The following OTUB2 variants were observed in gnomAD, a reference collection of about 807,000 sequenced individuals.
OTUB2 encodes the protein OTU deubiquitinase, ubiquitin aldehyde binding 2, also known as ubiquitin thioesterase OTUB2.
A neutral mutation model predicts 25.1 loss-of-function variants in OTUB2; 21 were observed. That is an observed-to-expected ratio of 0.84 (90% CI 0.59 to 1.21). OTUB2 has a LOEUF of 1.21. OTUB2 is among the 50% of genes most tolerant of loss of function. The pLI, the probability that OTUB2 is intolerant of heterozygous loss-of-function variation, is 0.00. For synonymous variants in OTUB2, 122 were observed against 122.8 expected, an observed-to-expected ratio of 0.99 and a Z score of 0.04; for missense variants, 283 against 298.0, an observed-to-expected ratio of 0.95 and a Z score of 0.37.
chr14:94,041,753 A>G (rs950608209), intron 3 of OTUB2, among the ~76,000 whole-genome samples: 1 of 152,318 alleles, frequency 6.6e-6, no homozygotes, highest in East Asian at 1.9e-4. Flanking sequence ...TGCAGGCATG[A>G]CATGCCGCCT....
intron 3 of OTUB2, among the ~76,000 whole-genome samples, chr14:94,042,750 G>A (rs140809403): frequency 2.3e-4 from 35 of 152,294 alleles, no homozygotes; most frequent in African/African-American, 8.2e-4. Flanking sequence ...GGCCAGGAGG[G>A]GAAACCTAGG....
intron 3 of OTUB2, among the ~76,000 whole-genome samples, chr14:94,042,670 AG>A (rs1221631867): frequency 1.3e-5 from 2 of 152,166 alleles, no homozygotes; most frequent in African/African-American, 2.4e-5. Context: ...AAGACTGAAC[AG>A]GGGGTGCTGA....
Position 94,037,453 on chromosome 14 carries a change from G to A in OTUB2, c.77G>A (p.Arg26Lys). 2 of 1,602,602 alleles carry A rather than the reference G, an allele frequency of 1.2e-6. No individual in the cohort carries two copies. The highest frequency in any genetic ancestry group is 1.7e-6 in the Non-Finnish European group (2 of 1,170,076). ...LSILRDHPENRIYRRKIEELS... is the reference protein window; with the variant it reads ...LSILRDHPENKIYRRKIEELS... ...ATTCTTCGGGACCATCCTGAAAACA[G>A]GATTTACCGGAGGAAAATCGAGGTG... The change falls in exon 2 of 6, where the codon AGG becomes AAG. Residue 26 changes from arginine (R) to lysine (K), a missense_variant. Arg to Lys is a conservative substitution (Grantham distance 26). Coordinates refer to ENST00000203664, the MANE Select transcript of OTUB2 (RefSeq NM_023112.4).
Position 94,045,919 on chromosome 14 carries a change from T to C in OTUB2, c.702T>C (p.His234=), listed in dbSNP as rs369825727. 105 of 1,613,910 alleles carry C rather than the reference T, an allele frequency of 6.5e-5. 2 individuals carry two copies. In the South Asian group the frequency reaches 9.9e-4, roughly 15 times the overall value. ...HYNILYAADK[H] is the part of the protein sequence containing the mutation. Reference sequence around the variant, plus strand: ...ACATCCTTTATGCAGCCGATAAACATTGATTAATTTTAGGCCATGCAGTGG... The same window carrying C: ...ACATCCTTTATGCAGCCGATAAACACTGATTAATTTTAGGCCATGCAGTGG... The change falls in exon 6 of 6, where the codon CAT becomes CAC. Residue 234 remains histidine (H), a synonymous_variant. Transcript: ENST00000203664.
At chr14:94,032,758 C>A (rs1316458503) in intron 1 of OTUB2, among the ~76,000 whole-genome samples, 1 of 152,088 alleles carries the variant, frequency 6.6e-6, no homozygotes, top group African/African-American at 2.4e-5. Flanking sequence ...ATAGAGACTA[C>A]CCATAGGGGC....
rs1022849510 is a variant in OTUB2 at position 94,048,245 on chromosome 14, T to C, written c.*2323T>C. 1 of 152,278 alleles carries C rather than the reference T, an allele frequency of 6.6e-6. No homozygotes were observed. The highest frequency in any genetic ancestry group is 1.9e-4 in the East Asian group (1 of 5,178). 9.4% of individuals were successfully genotyped at this position (152,278 alleles called of 1,614,324 possible). A position where few individuals can be genotyped will look rare whatever the true frequency, so the allele number is the denominator to read the frequency against. Reference sequence around the variant, plus strand: ...TCTACCCTCACCCCACAGAGCCATCTCTCTCCAGACCAAAAGCTGGAAGGA... The same window carrying C: ...TCTACCCTCACCCCACAGAGCCATCCCTCTCCAGACCAAAAGCTGGAAGGA... On this transcript the variant is annotated 3_prime_UTR_variant, in exon 6 of 6. Coordinates refer to ENST00000203664, the MANE Select transcript of OTUB2 (RefSeq NM_023112.4).
chr14:94,045,245 A>G (rs1885248258), intron 5 of OTUB2, among the ~76,000 whole-genome samples: 1 of 152,178 alleles, frequency 6.6e-6, no homozygotes, highest in Admixed American at 6.5e-5. Flanking sequence ...TATGTAGGAC[A>G]TACGCCTGCT....
intron 4 of OTUB2, 134 bp downstream of exon 4, chr14:94,044,189 G>C: frequency 1.1e-6 from 1 of 910,782 alleles, no homozygotes; most frequent in Non-Finnish European, 1.8e-6. Flanking sequence ...GCTTGTGGGG[G>C]TGTGTGGGCA....
intron 1 of OTUB2, among the ~76,000 whole-genome samples, chr14:94,028,588 C>T (rs904258048): frequency 6.6e-6 from 1 of 152,180 alleles, no homozygotes; most frequent in East Asian, 1.9e-4. Flanking sequence ...GCAGGAAAAC[C>T]GCAGGGTCCT....
chr14:94,035,290 T>C lies in OTUB2; in HGVS notation c.4-2090T>C, dbSNP rs550742191. ...CAGTTCTTTTTTTTTTCTTTTCTTTTTTTTTTTTTTTTTTTTTGAGACAGA... is the reference window on the plus strand; with the variant it reads ...CAGTTCTTTTTTTTTTCTTTTCTTTCTTTTTTTTTTTTTTTTTGAGACAGA... On this transcript the variant is annotated intron_variant, in intron 1 of 5. Transcript: ENST00000203664. Among the ~76,000 whole-genome samples, 53 of 135,742 alleles carry C rather than the reference T, an allele frequency of 3.9e-4. No individual in the cohort carries two copies. In the East Asian group the frequency reaches 5.7e-3, roughly 15 times the overall value. The allele number at this position is 135,742 out of a possible 152,430, so 89.1% of individuals were successfully genotyped here. A position where few individuals can be genotyped will look rare whatever the true frequency, so the allele number is the denominator to read the frequency against.
At position 94,045,861 on chromosome 14, in the gene OTUB2, C is replaced by T; in HGVS notation, c.644C>T (p.Ser215Phe). ...HHVFPEAATP[S>F]VYLLYKTSHY... is the part of the protein sequence containing the mutation. ...GTGTTCCCTGAGGCCGCCACCCCTT[C>T]CGTTTACCTGCTCTATAAAACATCC... Residue 215 changes from serine (S) to phenylalanine (F), a missense_variant, in exon 6 of 6, where the codon TCC (serine) becomes TTC (phenylalanine). By Grantham distance (155) the Ser-to-Phe change is radical. Transcript: ENST00000203664. The T allele has an allele frequency of 6.2e-7, 1 of 1,614,254 alleles. No homozygotes were observed.
chr14:94,041,800 C>T (rs1885166262), intron 3 of OTUB2, among the ~76,000 whole-genome samples: 1 of 152,228 alleles, frequency 6.6e-6, no homozygotes, highest in Non-Finnish European at 1.5e-5. Context: ...GCTTCTGACC[C>T]GGCTGTGGGT....
intron 3 of OTUB2, among the ~76,000 whole-genome samples, chr14:94,041,222 C>T (rs1885155568): frequency 6.6e-6 from 1 of 152,162 alleles, no homozygotes; most frequent in Non-Finnish European, 1.5e-5. Flanking sequence ...GAGGTTTGGC[C>T]TGAGAGTTAG....
intron 1 of OTUB2, among the ~76,000 whole-genome samples, chr14:94,035,268 T>C (rs1470955842): frequency 6.7e-6 from 1 of 149,930 alleles, no homozygotes; most frequent in Non-Finnish European, 1.5e-5. Flanking sequence ...CTTCATCCAG[T>C]TCTTTTTTTT....
At chr14:94,029,800 T>C (rs775932730) in intron 1 of OTUB2, among the ~76,000 whole-genome samples, 3 of 152,174 alleles carry the variant, frequency 2.0e-5, no homozygotes, top group Admixed American at 6.5e-5. Context: ...CCCCATGGAA[T>C]TGGCATTCCA....
Position 94,046,018 on chromosome 14 carries a change from T to A in OTUB2, c.*96T>A. On this transcript the variant is annotated 3_prime_UTR_variant, in exon 6 of 6. Coordinates refer to ENST00000203664, the MANE Select transcript of OTUB2 (RefSeq NM_023112.4). ...TCAATTTTTTAAGCAATTTAGACTG[T>A]AGCAAGAAAATGTGCAGCCTTTTGG... 1 of 1,387,416 alleles carries A rather than the reference T, an allele frequency of 7.2e-7. No homozygotes were observed. The highest frequency in any genetic ancestry group is 1.0e-6 in the Non-Finnish European group (1 of 1,002,440). The allele number at this position is 1,387,416 out of a possible 1,614,324, so 85.9% of individuals were successfully genotyped here.
At chr14:94,039,887 C>CG (rs1008376050) in intron 3 of OTUB2, among the ~76,000 whole-genome samples, 1 of 152,058 alleles carries the variant, frequency 6.6e-6, no homozygotes, top group African/African-American at 2.4e-5. Flanking sequence ...GGAAACAGTA[C>CG]GGGGGGCAGT....
chr14:94,044,546 G>A, intron 4 of OTUB2, 40 bp from the exon 5 acceptor site: 2 of 1,577,256 alleles, frequency 1.3e-6, no homozygotes, highest in Non-Finnish European at 1.7e-6. Flanking sequence ...GAGGGCTGGG[G>A]CTTGCTTGGC....
rs1354478804 is a variant in OTUB2 at position 94,047,338 on chromosome 14, A to T, written c.*1416A>T. ...AGAGTCCTCTTGACACAAATGTCAG[A>T]TTTGTGTCACTCTTCTGCCTTCGTG... On this transcript the variant is annotated 3_prime_UTR_variant, in exon 6 of 6. Coordinates refer to ENST00000203664, the MANE Select transcript of OTUB2 (RefSeq NM_023112.4). 6.6e-6 allele frequency: 1 copy of T among 152,128 alleles called. No homozygotes were observed. Among genetic ancestry groups the T allele is most frequent in the African/African-American group, 2.4e-5 (1 of 41,418 alleles). 9.4% of individuals were successfully genotyped at this position (152,128 alleles called of 1,614,324 possible).
Sources: gnomAD v4.1 joint callset for allele counts (sites outside exome capture counted in the v4.1 genomes callset) on GRCh38, gnomAD v4.1.1 for gene constraint, MANE v1.5 for transcripts, NCBI Gene and HGNC (gene_info 2026-07-23, HGNC 2026-07-21) for gene names.